Variants in CDH4 observed in about 807,000 individuals in gnomAD.
CDH4 encodes cadherin 4.
A neutral mutation model predicts 86.0 loss-of-function variants in CDH4; 33 were observed. The ratio of observed to expected loss-of-function variants is 0.38; its 90% confidence interval spans 0.29 to 0.51. The LOEUF (loss-of-function observed/expected upper bound fraction) is 0.51, where lower values mean the gene tolerates loss of function less well. Among genes scored for constraint, CDH4 ranks in the 20% least tolerant of loss-of-function variants. The pLI is 0.86. For synonymous variants in CDH4, 555 were observed against 549.4 expected (o/e 1.01, Z -0.14); for missense variants, 1,114 against 1,307.4 (o/e 0.85, Z 2.28).
intron 2 of CDH4, among the ~76,000 whole-genome samples, chr20:61,451,130 C>T (rs535326447): frequency 7.5e-5 from 3 of 39,862 alleles, no homozygotes; most frequent in Non-Finnish European, 2.1e-4. Context: ...ACGCCCCCCC[C>T]CTTCCCTCCG....
chr20:61,823,319 T>G (rs1240093148), intron 4 of CDH4, among the ~76,000 whole-genome samples: 1 of 42 alleles, frequency 0.024, no homozygotes, highest in East Asian at 0.25. Context: ...GTGATGTTGG[T>G]GTTGATGGTG....
intron 2 of CDH4, among the ~76,000 whole-genome samples, chr20:61,288,240 T>G (rs1436990480): frequency 2.6e-5 from 4 of 152,146 alleles, no homozygotes; most frequent in Non-Finnish European, 5.9e-5. Flanking sequence ...CTGTATTTTC[T>G]GAGTGATCCA....
chr20:61,656,841 A>G (rs1460639402), intron 2 of CDH4, among the ~76,000 whole-genome samples: 1 of 152,224 alleles, frequency 6.6e-6, no homozygotes, highest in Non-Finnish European at 1.5e-5. Flanking sequence ...AAAGGACAGA[A>G]CCAGCCCAGG....
chr20:61,857,307 G>T (rs765889965), intron 6 of CDH4, among the ~76,000 whole-genome samples: 37 of 152,250 alleles, frequency 2.4e-4, no homozygotes, highest in Non-Finnish European at 3.4e-4. Flanking sequence ...CCCGGGCTGC[G>T]TATGTGACCC....
chr20:61,316,992 C>T (rs1428406130), intron 2 of CDH4, among the ~76,000 whole-genome samples: 1 of 151,240 alleles, frequency 6.6e-6, no homozygotes, highest in African/African-American at 2.4e-5. Flanking sequence ...AGTGATAAGT[C>T]TTGCACGTAA....
intron 9 of CDH4, 137 bp from the exon 10 acceptor site, chr20:61,923,314 C>A: frequency 1.1e-6 from 1 of 878,142 alleles, no homozygotes; most frequent in Non-Finnish European, 1.8e-6. Flanking sequence ...TTTGGGGCCT[C>A]CTGGCTAAAG....
rs1166104363 is a variant in CDH4, at chr20:61,392,109, C to T, written c.169+137172C>T. Among the ~76,000 whole-genome samples the T allele has an allele frequency of 3.9e-5, 6 of 151,914 alleles. No homozygotes were observed. The highest frequency in any genetic ancestry group is 7.4e-5 in the Non-Finnish European group (5 of 68,010). ...GTGGAGAAAGGCCTAGAGAGCTTTG[C>T]AGGACCAAGTGGTGGTCGGGCAGCC... On this transcript the variant is annotated intron_variant, in intron 2 of 15. Coordinates refer to ENST00000614565, the MANE Select transcript of CDH4 (RefSeq NM_001794.5). This position sits in a 1 kb window ranked among gnomAD's most constrained non-coding sequence, Gnocchi z 5.7.
chr20:61,800,273 G>GC (rs1979759729), intron 4 of CDH4, among the ~76,000 whole-genome samples: 1 of 152,296 alleles, frequency 6.6e-6, no homozygotes, highest in African/African-American at 2.4e-5. Flanking sequence ...AAGCTGCCCG[G>GC]CCGCCAGGGG....
intron 2 of CDH4, among the ~76,000 whole-genome samples, chr20:61,338,433 A>G (rs1232129273): frequency 1.3e-5 from 2 of 152,150 alleles, no homozygotes; most frequent in South Asian, 4.2e-4. Flanking sequence ...GGAAGAGCCA[A>G]AGACGTTGTT....
intron 9 of CDH4, among the ~76,000 whole-genome samples, chr20:61,911,528 T>G (rs1027203744): frequency 6.6e-6 from 1 of 152,204 alleles, no homozygotes; most frequent in African/African-American, 2.4e-5. Context: ...CAAGAGCACA[T>G]TGGGCATTTT....
At position 61,514,506 on chromosome 20, in the gene CDH4, C is replaced by T. The variant is rs539328925; in HGVS notation, c.170-229057C>T. Among the ~76,000 whole-genome samples the T allele has an allele frequency of 2.6e-5, 4 of 152,288 alleles. No homozygotes were observed. In the South Asian group the frequency reaches 8.3e-4, roughly 32 times the overall value. On this transcript the variant is annotated intron_variant, in intron 2 of 15. Transcript: ENST00000614565. ...TTGTTTTAGGCTACTGTTCCCTTCT[C>T]GCTTTTATCATGTTACTCATTTACT...
Position 61,347,585 on chromosome 20 carries a change from C to T in CDH4, c.169+92648C>T, listed in dbSNP as rs190253209. ...CTATTTAAAATGAATTAGACCTTTCCAGTTTCCCTCTAGTGTGAGCGCTGA... is the reference window on the plus strand; with the variant it reads ...CTATTTAAAATGAATTAGACCTTTCTAGTTTCCCTCTAGTGTGAGCGCTGA... On this transcript the variant is annotated intron_variant, in intron 2 of 15. Transcript: ENST00000614565. Among the ~76,000 whole-genome samples, 886 of 152,308 alleles carry T rather than the reference C, an allele frequency of 5.8e-3. 1 individual carries two copies. The highest frequency in any genetic ancestry group is 9.8e-3 in the Non-Finnish European group (665 of 68,032).
At chr20:61,379,596 A>G (rs1215621514) in intron 2 of CDH4, among the ~76,000 whole-genome samples, 4 of 152,082 alleles carry the variant, frequency 2.6e-5, no homozygotes, top group Non-Finnish European at 5.9e-5. Flanking sequence ...CCTCACCCCT[A>G]TTGTCCAGTA....
intron 2 of CDH4, among the ~76,000 whole-genome samples, chr20:61,620,326 GGATGGATA>G (rs1013109016): frequency 1.4e-3 from 211 of 151,886 alleles, no homozygotes; most frequent in Middle Eastern, 6.8e-3. Context: ...GTAGATGGAT[GGATGGATA>G]GATGGATGGA....
intron 2 of CDH4, among the ~76,000 whole-genome samples, chr20:61,604,003 G>A (rs563343679): frequency 2.2e-4 from 34 of 152,228 alleles, no homozygotes; most frequent in African/African-American, 7.9e-4. Flanking sequence ...ACACGTGATT[G>A]ATCCTTCTTT....
intron 4 of CDH4, among the ~76,000 whole-genome samples, chr20:61,819,238 G>A (rs1356123414): frequency 1.3e-5 from 2 of 152,250 alleles, no homozygotes; most frequent in African/African-American, 4.8e-5. Context: ...GTGGACACGA[G>A]AGTGCATCAG....
In CDH4 at chr20:61,743,670, G is replaced by C. The variant is rs750401864; in HGVS notation, c.277G>C (p.Val93Leu). ...AGTCTTCGCCACCCGGGAGCTGCAG[G>C]TCCCCTCCGAGCAGGTGGCGTTCAC... The part of the protein sequence containing the change: ...GTVFATRELQ[V>L]PSEQVAFTVT... Residue 93 changes from valine (V) to leucine (L), a missense_variant, in exon 3 of 16, where the codon GTC (valine) becomes CTC (leucine). Physicochemically the swap from Val to Leu is conservative, Grantham distance 32. Coordinates refer to ENST00000614565, the MANE Select transcript of CDH4 (RefSeq NM_001794.5). 1 of 1,603,972 alleles carries C rather than the reference G, an allele frequency of 6.2e-7. No individual in the cohort carries two copies. Among genetic ancestry groups the C allele is most frequent in the Admixed American group, 1.7e-5 (1 of 58,640 alleles).
intron 2 of CDH4, among the ~76,000 whole-genome samples, chr20:61,314,491 G>C (rs1423243029): frequency 6.6e-6 from 1 of 152,172 alleles, no homozygotes; most frequent in African/African-American, 2.4e-5. Context: ...TACGTGTGTA[G>C]ACCACAATTC....
rs544916295 is a variant in CDH4 at position 61,459,174 on chromosome 20, C to T, written c.169+204237C>T. On this transcript the variant is annotated intron_variant, in intron 2 of 15. Coordinates refer to ENST00000614565, the MANE Select transcript of CDH4 (RefSeq NM_001794.5). ...TGTTGCCTGGTGGCTGCTTTAGCTT[C>T]TTTAGGGCTTGTGTGGCCATCCCCT... is the stretch of plus-strand genomic sequence containing the variant. Among the ~76,000 whole-genome samples, 23 of 140,894 alleles carry T rather than the reference C, an allele frequency of 1.6e-4. No homozygotes were observed. In the South Asian group the frequency reaches 4.6e-3, roughly 28 times the overall value. 92.4% of individuals were successfully genotyped at this position (140,894 alleles called of 152,430 possible).
Sources: gnomAD v4.1 joint callset for allele counts (sites outside exome capture counted in the v4.1 genomes callset) on GRCh38, gnomAD v4.1.1 for gene constraint, Gnocchi (gnomAD v3.1) non-coding constraint, MANE v1.5 for transcripts, NCBI Gene and HGNC (gene_info 2026-07-23, HGNC 2026-07-21) for gene names.